Variants in WDR70 observed in about 807,000 individuals in gnomAD.
WDR70 encodes the protein WD repeat-containing protein 70.
WDR70 carries 53 observed loss-of-function variants against 88.6 expected under a neutral mutation model. The observed-to-expected ratio is 0.60, with a 90% confidence interval of 0.48 to 0.75. The LOEUF is 0.75. Ranked by LOEUF, WDR70 falls within the 30% of genes least tolerant of loss-of-function variation. The probability of loss-of-function intolerance (pLI) is 0.00; values close to 1 mark genes in which losing one functional copy is unlikely to be tolerated. For synonymous variants in WDR70, 280 were observed against 270.0 expected (o/e 1.04, Z -0.36); for missense variants, 610 against 823.2 (o/e 0.74, Z 3.17).
At chr5:37,410,338 C>A (rs1204092327) in intron 5 of WDR70, among the ~76,000 whole-genome samples, 1 of 151,808 alleles carries the variant, frequency 6.6e-6, no homozygotes, top group African/African-American at 2.4e-5. Flanking sequence ...TGTGCCTGGC[C>A]TGAGTCTGCT....
At chr5:37,493,413 G>T (rs1234765171) in intron 8 of WDR70, among the ~76,000 whole-genome samples, 1 of 152,188 alleles carries the variant, frequency 6.6e-6, no homozygotes, top group Non-Finnish European at 1.5e-5. Flanking sequence ...TGCACATAGG[G>T]TCTAGAAAGC....
At chr5:37,447,317 G>A (rs534416602) in intron 7 of WDR70, among the ~76,000 whole-genome samples, 1 of 152,234 alleles carries the variant, frequency 6.6e-6, no homozygotes, top group East Asian at 1.9e-4. Context: ...TAGAGAAATA[G>A]GAACACTTGT....
rs780702254 is a variant in WDR70 at position 37,605,228 on chromosome 5, G to C, written c.1082G>C (p.Arg361Pro). 6.3e-7 allele frequency: 1 copy of C among 1,590,868 alleles called. No homozygotes were observed. The highest frequency in any genetic ancestry group is 1.2e-5 in the South Asian group (1 of 85,650). The change falls in exon 10 of 18, where the codon CGA becomes CCA. Residue 361 changes from arginine to proline, a missense_variant. Physicochemically the swap from Arg to Pro is moderately radical, Grantham distance 103 (BLOSUM62 -2). Coordinates refer to ENST00000265107, the MANE Select transcript of WDR70 (RefSeq NM_018034.4). ...CQNGSIQIWD[R>P]NLTVHPKFHY... ...AATGGAAGCATACAGATCTGGGACC[G>C]AAATTTGACTGTAAGTTAAATCTTT...
intron 7 of WDR70, among the ~76,000 whole-genome samples, chr5:37,473,252 G>T (rs1739381476): frequency 6.7e-6 from 1 of 149,038 alleles, no homozygotes; most frequent in Non-Finnish European, 1.5e-5. Flanking sequence ...TTTTAAATCA[G>T]TGTATTTTAG....
chr5:37,729,528 C>G (rs1748082349), intron 17 of WDR70, among the ~76,000 whole-genome samples: 1 of 152,164 alleles, frequency 6.6e-6, no homozygotes, highest in Non-Finnish European at 1.5e-5. Flanking sequence ...AAACCCAGCT[C>G]TTATTTGTTC....
chr5:37,499,106 A>G (rs1482831981), intron 8 of WDR70, among the ~76,000 whole-genome samples: 1 of 150,488 alleles, frequency 6.6e-6, no homozygotes, highest in African/African-American at 2.4e-5. Flanking sequence ...GCATCTTTTC[A>G]TGTTTGTCAT....
intron 8 of WDR70, among the ~76,000 whole-genome samples, chr5:37,515,576 T>C (rs943682239): frequency 6.6e-6 from 1 of 152,366 alleles, no homozygotes; most frequent in East Asian, 1.9e-4. Context: ...GGCCAGATAC[T>C]ATTTGAGGCA....
chr5:37,609,810 C>T (rs140662155), intron 10 of WDR70, among the ~76,000 whole-genome samples: 59 of 152,174 alleles, frequency 3.9e-4, no homozygotes, highest in South Asian at 2.1e-4. Flanking sequence ...GAAAGTGGAA[C>T]GGAGGAATCT....
At chr5:37,397,104 T>C (rs1749039138) in intron 5 of WDR70, among the ~76,000 whole-genome samples, 1 of 151,832 alleles carries the variant, frequency 6.6e-6, no homozygotes. Context: ...CAGATGGCAC[T>C]CCAGCCTGGG....
intron 9 of WDR70, among the ~76,000 whole-genome samples, chr5:37,595,705 T>C (rs1403715171): frequency 6.6e-6 from 1 of 152,210 alleles, no homozygotes; most frequent in Admixed American, 6.5e-5. Flanking sequence ...ATTACACATA[T>C]TAACATTTAT....
At chr5:37,672,464 C>T (rs1217654934) in intron 10 of WDR70, among the ~76,000 whole-genome samples, 1 of 152,110 alleles carries the variant, frequency 6.6e-6, no homozygotes, top group Non-Finnish European at 1.5e-5. Flanking sequence ...AGGAGAAAAC[C>T]ACCCTGTGGC....
chr5:37,434,573 G>C (rs1310753672), intron 5 of WDR70, among the ~76,000 whole-genome samples: 1 of 152,174 alleles, frequency 6.6e-6, no homozygotes, highest in Admixed American at 6.5e-5. Context: ...ATGGCTTATA[G>C]TTGTATGTGA....
At chr5:37,402,689 T>G (rs1749232830) in intron 5 of WDR70, among the ~76,000 whole-genome samples, 2 of 152,062 alleles carry the variant, frequency 1.3e-5, no homozygotes, top group African/African-American at 4.8e-5. Context: ...AAATATACAA[T>G]AAGATTATTG....
intron 5 of WDR70, among the ~76,000 whole-genome samples, chr5:37,421,597 C>T (rs1381014950): frequency 6.6e-6 from 1 of 152,102 alleles, no homozygotes. Flanking sequence ...TTGTTATATT[C>T]CTGTCTTACA....
chr5:37,475,941 G>C (rs993266335), intron 7 of WDR70, among the ~76,000 whole-genome samples: 4 of 150,560 alleles, frequency 2.7e-5, no homozygotes, highest in Non-Finnish European at 5.9e-5. Flanking sequence ...CACCTCCCGG[G>C]TTCAAGCAAT....
At chr5:37,534,253 A>T (rs528234925) in intron 9 of WDR70, among the ~76,000 whole-genome samples, 87 of 152,322 alleles carry the variant, frequency 5.7e-4, no homozygotes, top group African/African-American at 1.9e-3. Flanking sequence ...CCTATTCGCC[A>T]TCTTAAAGTC....
chr5:37,713,595 A>G (rs984417926), intron 13 of WDR70, among the ~76,000 whole-genome samples: 1 of 151,996 alleles, frequency 6.6e-6, no homozygotes, highest in African/African-American at 2.4e-5. Flanking sequence ...TTTTATTATT[A>G]TAATGTTATA....
intron 17 of WDR70, among the ~76,000 whole-genome samples, chr5:37,751,627 T>C (rs1170774907): frequency 2.0e-5 from 3 of 152,232 alleles, no homozygotes; most frequent in Admixed American, 1.3e-4. Flanking sequence ...GATATAATGA[T>C]TCTAAATGAA....
rs146042057 is a variant in WDR70 at position 37,689,903 on chromosome 5, C to T, written c.1093-7752C>T. 9.3e-4 allele frequency among the ~76,000 whole-genome samples: 142 copies of T among 152,282 alleles called. 2 individuals are homozygous for T. In the East Asian group the frequency reaches 0.027, roughly 29 times the overall value. On this transcript the variant is annotated intron_variant, in intron 10 of 17. Coordinates refer to ENST00000265107, the MANE Select transcript of WDR70 (RefSeq NM_018034.4). ...GTAGGCTTCAGAAGGTCGGTAATAA[C>T]AAACTTCTCCGAGCTAAAGGAACAT...
Sources: gnomAD v4.1 joint callset for allele counts (sites outside exome capture counted in the v4.1 genomes callset) on GRCh38, gnomAD v4.1.1 for gene constraint, MANE v1.5 for transcripts, NCBI Gene and HGNC (gene_info 2026-07-23, HGNC 2026-07-21) for gene names.